Variants in HTRA3 observed in about 807,000 individuals in gnomAD.
HTRA3 encodes the protein serine protease HTRA3.
In HTRA3, 41 loss-of-function variants were observed where a neutral mutation model predicts 43.2. The ratio of observed to expected loss-of-function variants is 0.95; its 90% CI spans 0.74 to 1.23. The LOEUF (loss-of-function observed/expected upper bound fraction) is 1.23. HTRA3 is among the 50% of genes most tolerant of loss of function. The pLI is 0.00. For synonymous variants in HTRA3, 295 were observed against 287.9 expected (o/e 1.02, Z -0.25); for missense variants, 628 against 647.1 (o/e 0.97, Z 0.32).
At position 8,286,539 on chromosome 4, in the gene HTRA3, G is replaced by T; in HGVS notation, c.486-22G>T. ...CGTCCTAGCCCCACCCTAAATGCCC[G>T]CCTGTGTCTCCCTGGCTGCAGACAC... On this transcript the variant is annotated intron_variant, in intron 2 of 8. Coordinates refer to ENST00000307358, the MANE Select transcript of HTRA3 (RefSeq NM_053044.5). This position sits in a 1 kb window ranked among gnomAD's most constrained non-coding sequence, Gnocchi z 4.9. The T allele has an allele frequency of 1.9e-6, 3 of 1,608,932 alleles. No homozygotes were observed. Among genetic ancestry groups the T allele is most frequent in the South Asian group, 1.1e-5 (1 of 90,898 alleles).
At chr4:8,290,844 TG>T (rs1370230494) in intron 3 of HTRA3, among the ~76,000 whole-genome samples, 1 of 152,190 alleles carries the variant, frequency 6.6e-6, no homozygotes, top group Non-Finnish European at 1.5e-5. Context: ...GCTCGGCTAG[TG>T]GCTTCACTTC....
At chr4:8,284,240 G>A (rs761420592) in intron 2 of HTRA3, among the ~76,000 whole-genome samples, 8 of 152,056 alleles carry the variant, frequency 5.3e-5, no homozygotes, top group East Asian at 1.9e-4. Flanking sequence ...CCCTTCCCTC[G>A]AGCCCCGGGC....
At chr4:8,289,083 A>G (rs1294300644) in intron 3 of HTRA3, among the ~76,000 whole-genome samples, 1 of 151,328 alleles carries the variant, frequency 6.6e-6, no homozygotes. Flanking sequence ...CCATATAGCT[A>G]GGACTACAGG....
intron 1 of HTRA3, among the ~76,000 whole-genome samples, chr4:8,271,812 C>A (rs1712289818): frequency 6.6e-6 from 1 of 152,212 alleles, no homozygotes; most frequent in Admixed American, 6.5e-5. Flanking sequence ...ACCTCATCAC[C>A]TCCTAACACC....
chr4:8,280,515 G>T lies in HTRA3; in HGVS notation c.386-1922G>T, dbSNP rs577344413. On this transcript the variant is annotated intron_variant, in intron 1 of 8. Transcript: ENST00000307358. Reference sequence around the variant, plus strand: ...GCAGGGAGGAGAAGCAGACAGGCCTGGGCTGCCCACTCGGGCCGCACGGCA... The same window carrying T: ...GCAGGGAGGAGAAGCAGACAGGCCTTGGCTGCCCACTCGGGCCGCACGGCA... 1.5e-3 allele frequency among the ~76,000 whole-genome samples: 222 copies of T among 152,292 alleles called. 1 individual carries two copies. The highest frequency in any genetic ancestry group is 5.1e-3 in the African/African-American group (213 of 41,546).
chr4:8,305,824 T>C lies in HTRA3; in HGVS notation c.1197-147T>C. On this transcript the variant is annotated intron_variant, in intron 8 of 8. Transcript: ENST00000307358. ...TTGGTTTTCTTCTGGTGTGAGAGCT[T>C]TGGGGCTGGGGCACTGTTCTTTCCC... 3 of 806,290 alleles carry C rather than the reference T, an allele frequency of 3.7e-6. No individual in the cohort carries two copies. In the South Asian group the frequency reaches 4.9e-5, roughly 13 times the overall value. 49.9% of individuals were successfully genotyped at this position (806,290 alleles called of 1,614,324 possible).
rs1713482380 is a variant in HTRA3 at position 8,297,083 on chromosome 4, C to T, written c.1051+2882C>T. ...CTCAGAAGCCAAAAGGTTCCCTGGT[C>T]TCAGAAGCCATAAGGTCCCTTGGTC... On this transcript the variant is annotated intron_variant, in intron 6 of 8. Coordinates refer to ENST00000307358, the MANE Select transcript of HTRA3 (RefSeq NM_053044.5). The surrounding 1 kb of genome is among the most constrained non-coding windows in gnomAD (Gnocchi z 5.8). Among the ~76,000 whole-genome samples, 1 of 152,076 alleles carries T rather than the reference C, an allele frequency of 6.6e-6. No individual in the cohort carries two copies. Among genetic ancestry groups the T allele is most frequent in the Admixed American group, 6.5e-5 (1 of 15,270 alleles).
At chr4:8,287,189 C>A (rs1290547447) in intron 3 of HTRA3, among the ~76,000 whole-genome samples, 1 of 152,198 alleles carries the variant, frequency 6.6e-6, no homozygotes, top group Admixed American at 6.5e-5. Context: ...GGGACAGGGA[C>A]CCCATCCCTC....
At chr4:8,299,781 T>G (rs1457199854) in intron 6 of HTRA3, among the ~76,000 whole-genome samples, 1 of 152,124 alleles carries the variant, frequency 6.6e-6, no homozygotes, top group Non-Finnish European at 1.5e-5. Flanking sequence ...TTTTAAATGT[T>G]AAACCAACTT....
At chr4:8,280,756 T>A (rs1712712647) in intron 1 of HTRA3, among the ~76,000 whole-genome samples, 1 of 152,144 alleles carries the variant, frequency 6.6e-6, no homozygotes, top group African/African-American at 2.4e-5. Context: ...CCAGCCAGGC[T>A]CTAGCCACCC....
intron 6 of HTRA3, among the ~76,000 whole-genome samples, chr4:8,298,192 G>T (rs896687245): frequency 6.6e-6 from 1 of 152,196 alleles, no homozygotes; most frequent in Non-Finnish European, 1.5e-5. Context: ...GGCAGATCAC[G>T]TCTGGTGATT....
intron 5 of HTRA3, among the ~76,000 whole-genome samples, chr4:8,293,319 C>A (rs552932603): frequency 6.6e-6 from 1 of 152,308 alleles, no homozygotes; most frequent in Non-Finnish European, 1.5e-5. Flanking sequence ...TAGAGATGGG[C>A]ACAGAGGGCC....
chr4:8,304,417 G>C (rs1713762831), intron 8 of HTRA3, 138 bp downstream of exon 8: 2 of 656,632 alleles, frequency 3.0e-6, no homozygotes, highest in African/African-American at 1.8e-5. Context: ...TAGCGTGTCT[G>C]CTAAGCCAGA....
chr4:8,304,803 C>T (rs920606032), intron 8 of HTRA3, among the ~76,000 whole-genome samples: 1 of 151,860 alleles, frequency 6.6e-6, no homozygotes, highest in African/African-American at 2.4e-5. Context: ...TTACAAGTGC[C>T]CACCACCATG....
rs566583301 is a variant in HTRA3, at chr4:8,279,046, T to G, written c.386-3391T>G. Among the ~76,000 whole-genome samples the G allele has an allele frequency of 1.3e-5, 2 of 152,030 alleles. No individual in the cohort carries two copies. Among genetic ancestry groups the G allele is most frequent in the East Asian group, 3.9e-4 (2 of 5,132 alleles). On this transcript the variant is annotated intron_variant, in intron 1 of 8. Coordinates refer to ENST00000307358, the MANE Select transcript of HTRA3 (RefSeq NM_053044.5). This position sits in a 1 kb window ranked among gnomAD's most constrained non-coding sequence, Gnocchi z 7.4. ...TCCCTCTGAAATGTCTCAGCGGCTGTCTCACCCTGTGCTGGTTACCACTGG... is the reference window on the plus strand; with the variant it reads ...TCCCTCTGAAATGTCTCAGCGGCTGGCTCACCCTGTGCTGGTTACCACTGG...
chr4:8,292,089 C>T (rs1043674784), intron 4 of HTRA3, among the ~76,000 whole-genome samples: 12 of 152,246 alleles, frequency 7.9e-5, no homozygotes, highest in East Asian at 1.9e-4. Context: ...GTGTAGATGC[C>T]GAAGCGTATG....
intron 1 of HTRA3, among the ~76,000 whole-genome samples, chr4:8,278,521 C>T (rs1712618883): frequency 6.6e-6 from 1 of 152,174 alleles, no homozygotes; most frequent in Non-Finnish European, 1.5e-5. Context: ...TGCTTCCCAG[C>T]CGTGGGGCCC....
intron 1 of HTRA3, among the ~76,000 whole-genome samples, chr4:8,281,966 G>C (rs1236476705): frequency 1.3e-5 from 2 of 152,206 alleles, no homozygotes; most frequent in African/African-American, 4.8e-5. Context: ...CCCCCGCCTG[G>C]ACACTGCTGT....
In HTRA3 at chr4:8,306,141, C is replaced by T. The variant is rs201609776; in HGVS notation, c.*5C>T. On this transcript the variant is annotated 3_prime_UTR_variant, in exon 9 of 9. Transcript: ENST00000307358. The surrounding 1 kb of genome is among the most constrained non-coding windows in gnomAD (Gnocchi z 8.9). ...GCACCTGAGGTGGTCATGTGAGGGG[C>T]GCATTCCTCCAGCGCCAAGCGTCAG... 3,448 of 1,565,034 alleles carry T rather than the reference C, an allele frequency of 2.2e-3. 7 individuals are homozygous for T. Among genetic ancestry groups the T allele is most frequent in the Middle Eastern group, 6.6e-3 (37 of 5,600 alleles).
Sources: allele counts gnomAD v4.1 joint callset (sites outside exome capture counted in the v4.1 genomes callset), GRCh38; gene constraint gnomAD v4.1.1; non-coding constraint Gnocchi (gnomAD v3.1); transcripts MANE v1.5; gene names NCBI Gene and HGNC (gene_info 2026-07-23, HGNC 2026-07-21).